Variants in CSF1R observed in about 807,000 individuals in gnomAD.
CSF1R encodes the protein macrophage colony-stimulating factor 1 receptor.
In CSF1R, 40 loss-of-function variants were observed where a neutral mutation model predicts 110.0. That is an observed-to-expected ratio of 0.36 (90% CI 0.28 to 0.47). CSF1R has a LOEUF of 0.47. Ranked by LOEUF, CSF1R falls within the 20% of genes least tolerant of loss-of-function variation. The probability of loss-of-function intolerance (pLI) is 0.99; values close to 1 mark genes in which losing one functional copy is unlikely to be tolerated. For missense variants in CSF1R, 1,052 were observed against 1,253.0 expected (o/e 0.84, Z 2.42); for synonymous variants, 523 against 503.4 (o/e 1.04, Z -0.52).
intron 1 of CSF1R, among the ~76,000 whole-genome samples, chr5:150,085,631 G>C (rs1406446910): frequency 1.3e-5 from 2 of 151,980 alleles, no homozygotes; most frequent in Admixed American, 6.6e-5. Context: ...TGGTCCAGGA[G>C]ACCCTCACTG....
At chr5:150,056,192 C>T (rs1348579795) in intron 17 of CSF1R, 27 bp downstream of exon 17, 1 of 1,614,218 alleles carries the variant, frequency 6.2e-7, no homozygotes. Flanking sequence ...CCCTCCCCAG[C>T]CTGGCCCAAG....
chr5:150,095,577 A>G (rs1306884947), intron 1 of CSF1R, among the ~76,000 whole-genome samples: 3 of 152,176 alleles, frequency 2.0e-5, no homozygotes, highest in Non-Finnish European at 4.4e-5. Flanking sequence ...ATTGGATAAG[A>G]AAACAATGGT....
intron 5 of CSF1R, among the ~76,000 whole-genome samples, chr5:150,073,961 C>T (rs911866877): frequency 6.6e-6 from 1 of 152,142 alleles, no homozygotes. Flanking sequence ...TACTCTGTCC[C>T]CTCTGGCCCG....
intron 14 of CSF1R, chr5:150,058,418 T>C: frequency 2.4e-6 from 1 of 418,662 alleles, no homozygotes; most frequent in Non-Finnish European, 4.8e-6. Context: ...ATGTCCATAT[T>C]CTAGTGTTCC....
In CSF1R at chr5:150,053,927, A is replaced by T; in HGVS notation, c.*142T>A. On this transcript the variant is annotated 3_prime_UTR_variant, in exon 21 of 21. Coordinates refer to ENST00000675795, the MANE Select transcript of CSF1R (RefSeq NM_001288705.3). ...TCCTCTGACCTCCCCTGAATCCCTC[A>T]CCTTCCCAAGTTTCAGAGCTGGGCC... The T allele has an allele frequency of 1.2e-6, 1 of 842,328 alleles. No homozygotes were observed. The highest frequency in any genetic ancestry group is 1.9e-6 in the Non-Finnish European group (1 of 531,472). The allele number at this position is 842,328 out of a possible 1,614,324, so 52.2% of individuals were successfully genotyped here. A position where few individuals can be genotyped will look rare whatever the true frequency, so the allele number is the denominator to read the frequency against.
intron 1 of CSF1R, among the ~76,000 whole-genome samples, chr5:150,105,987 A>G (rs530588061): frequency 6.6e-6 from 1 of 152,354 alleles, no homozygotes; most frequent in South Asian, 2.1e-4. Flanking sequence ...CACTTGCCCA[A>G]AGTCCCAGAG....
At chr5:150,083,375 C>T (rs1758646218) in intron 1 of CSF1R, among the ~76,000 whole-genome samples, 1 of 150,202 alleles carries the variant, frequency 6.7e-6, no homozygotes, top group Non-Finnish European at 1.5e-5. Context: ...CACACACACA[C>T]ACACACACAC....
chr5:150,110,151 T>C lies in CSF1R; in HGVS notation c.-181+3110A>G, dbSNP rs150331230. On this transcript the variant is annotated intron_variant, in intron 1 of 21. Coordinates refer to the CSF1R transcript ENST00000286301. ...CCTGAGCCACCTGTTCGTATCCACC[T>C]TTCCCACCAAACTACTCACCCCGGC... Among the ~76,000 whole-genome samples the C allele has an allele frequency of 2.8e-4, 42 of 152,346 alleles. 3 individuals are homozygous for C. In the South Asian group the frequency reaches 5.0e-3, roughly 18 times the overall value.
intron 1 of CSF1R, among the ~76,000 whole-genome samples, chr5:150,085,200 C>T (rs1352944750): frequency 8.2e-5 from 12 of 146,266 alleles, no homozygotes; most frequent in African/African-American, 5.2e-5. Flanking sequence ...CACTTGAACC[C>T]GGGAGGTGGA....
At chr5:150,090,126 T>C (rs1758993030), upstream of CSF1R, among the ~76,000 whole-genome samples, 1 of 152,174 alleles carries the variant, frequency 6.6e-6, no homozygotes, top group Non-Finnish European at 1.5e-5. Context: ...GGAAATGATT[T>C]CTCAGATATG....
At chr5:150,080,503 C>T (rs1026499259) in intron 2 of CSF1R, among the ~76,000 whole-genome samples, 167 bp from the exon 3 acceptor site, 1 of 152,178 alleles carries the variant, frequency 6.6e-6, no homozygotes, top group Non-Finnish European at 1.5e-5. Context: ...CAGAGTCAGG[C>T]GCACCTGGGC....
At position 150,073,233 on chromosome 5, in the gene CSF1R, C is replaced by T. The variant is rs182187080; in HGVS notation, c.1082+68G>A. The T allele has an allele frequency of 3.0e-5, 45 of 1,509,702 alleles. No homozygotes were observed. In the East Asian group the frequency reaches 7.8e-4, roughly 26 times the overall value. The allele number at this position is 1,509,702 out of a possible 1,614,324, so 93.5% of individuals were successfully genotyped here. A position where few individuals can be genotyped will look rare whatever the true frequency, so the allele number is the denominator to read the frequency against. On this transcript the variant is annotated intron_variant, in intron 6 of 20. Transcript: ENST00000675795. Reference sequence around the variant, plus strand: ...CAAGGTTGGGACATGAGCCAAGCGTCCTGATGCTTGCTGAAGCATACCCCA... The same window carrying T: ...CAAGGTTGGGACATGAGCCAAGCGTTCTGATGCTTGCTGAAGCATACCCCA...
intron 1 of CSF1R, among the ~76,000 whole-genome samples, chr5:150,098,889 A>ATT (rs571440671): frequency 0.012 from 1,654 of 133,008 alleles, 25 homozygotes; most frequent in Non-Finnish European, 0.02. Flanking sequence ...AATACAAACA[A>ATT]CTTTTTTTTT....
chr5:150,077,502 A>T (rs990155353), intron 4 of CSF1R, 67 bp from the exon 5 acceptor site: 1 of 1,515,748 alleles, frequency 6.6e-7, no homozygotes, highest in Admixed American at 1.7e-5. Context: ...CTGGGTTCCA[A>T]TCCTCAGCCT....
chr5:150,059,232 C>T (rs976397936), intron 14 of CSF1R, among the ~76,000 whole-genome samples: 2 of 151,988 alleles, frequency 1.3e-5, no homozygotes, highest in African/African-American at 2.4e-5. Context: ...TTAATAGAGA[C>T]GGGGTTTCAC....
At chr5:150,084,478 A>G (rs1351310303) in intron 1 of CSF1R, among the ~76,000 whole-genome samples, 1 of 146,678 alleles carries the variant, frequency 6.8e-6, no homozygotes, top group East Asian at 2.0e-4. Context: ...AAGGAGATGG[A>G]GTCTTGCTCT....
intron 1 of CSF1R, among the ~76,000 whole-genome samples, chr5:150,097,258 AG>A (rs1472998820): frequency 1.9e-5 from 2 of 104,378 alleles, no homozygotes; most frequent in East Asian, 5.1e-4. Context: ...TCTCAAAAAA[AG>A]AAAGGGAAAG....
At chr5:150,085,277 G>GAAAAAA (rs70973563) in intron 1 of CSF1R, among the ~76,000 whole-genome samples, 12 of 92,468 alleles carry the variant, frequency 1.3e-4, no homozygotes, top group African/African-American at 3.9e-4. Flanking sequence ...TCTGTCTCAG[G>GAAAAAA]AAAAAAAAAA....
At chr5:150,054,560 A>T in intron 19 of CSF1R, 130 bp from the exon 20 acceptor site, 1 of 682,512 alleles carries the variant, frequency 1.5e-6, no homozygotes, top group Non-Finnish European at 2.4e-6. Flanking sequence ...TATAAAACCT[A>T]TGCCAAGTCC....
Sources: gnomAD v4.1 joint callset for allele counts (sites outside exome capture counted in the v4.1 genomes callset) on GRCh38, gnomAD v4.1.1 for gene constraint, MANE v1.5 for transcripts, NCBI Gene and HGNC (gene_info 2026-07-23, HGNC 2026-07-21) for gene names.